Variants in SLC12A5 observed in about 807,000 individuals in gnomAD.
SLC12A5 encodes the protein K-Cl cotransporter 2.
In SLC12A5, 18 loss-of-function variants were observed where a neutral mutation model predicts 124.0. The observed-to-expected ratio is 0.15, with a 90% confidence interval of 0.10 to 0.22. The LOEUF is 0.22. SLC12A5 is among the 10% of genes least tolerant of loss of function. The pLI is 1.00. For missense variants in SLC12A5, 867 were observed against 1,478.7 expected (o/e 0.59, Z 6.78); for synonymous variants, 589 against 568.0 (o/e 1.04, Z -0.53).
intron 15 of SLC12A5, 77 bp downstream of exon 15, chr20:46,047,650 G>A (rs1056658410): frequency 2.8e-5 from 44 of 1,549,670 alleles, no homozygotes; most frequent in Non-Finnish European, 3.9e-5. Context: ...GGGGTCATGA[G>A]GGATTGGGGT....
intron 7 of SLC12A5, chr20:46,041,098 C>T: frequency 4.2e-6 from 2 of 474,660 alleles, no homozygotes; most frequent in Admixed American, 7.1e-5. Context: ...TGCTGAAACA[C>T]AGCATTGCAC....
At chr20:46,043,528 G>T in intron 9 of SLC12A5, 105 bp from the exon 10 acceptor site, 2 of 1,282,456 alleles carry the variant, frequency 1.6e-6, no homozygotes, top group South Asian at 2.6e-5. Flanking sequence ...AGTATGTTAG[G>T]ACTAGATCCC....
rs566341148 is a variant in SLC12A5, at chr20:46,043,805, C to T, written c.1337-71C>T. ...GAGGGCAGCTGAACTTGCTGCCTTA[C>T]CTGCTGGTGCAGGAAGGGTGGGGAG... On this transcript the variant is annotated intron_variant, in intron 10 of 25. Coordinates refer to ENST00000243964, the MANE Select transcript of SLC12A5 (RefSeq NM_020708.5). 5 of 1,612,732 alleles carry T rather than the reference C, an allele frequency of 3.1e-6. 1 individual carries two copies. In the South Asian group the frequency reaches 5.5e-5, roughly 18 times the overall value.
intron 6 of SLC12A5, among the ~76,000 whole-genome samples, chr20:46,039,547 G>T (rs1028779158): frequency 2.0e-5 from 3 of 152,298 alleles, no homozygotes; most frequent in South Asian, 2.1e-4. Context: ...GGCCGAGGCA[G>T]TTGGATCACC....
In SLC12A5 at chr20:46,041,191, C is replaced by A. The variant is rs2084543834; in HGVS notation, c.855-138C>A. 8.8e-6 allele frequency: 6 copies of A among 684,776 alleles called. No homozygotes were observed. The South Asian group carries it at 9.7e-5, about 11-fold the overall frequency. The allele number at this position is 684,776 out of a possible 1,614,324, so 42.4% of individuals were successfully genotyped here. On this transcript the variant is annotated intron_variant, in intron 7 of 25. Coordinates refer to ENST00000243964, the MANE Select transcript of SLC12A5 (RefSeq NM_020708.5). ...AAAAAAAAAAAAGCCAATGGCCAGG[C>A]TTCATTTAAATTAAACGAGGAACTC...
At chr20:46,043,560 G>T in intron 9 of SLC12A5, 73 bp from the exon 10 acceptor site, 5 of 1,476,510 alleles carry the variant, frequency 3.4e-6, no homozygotes, top group Middle Eastern at 1.9e-4. Context: ...CCCTGAGGGT[G>T]GTGCCCTTTT....
Position 46,057,481 on chromosome 20 carries a change from G to A in SLC12A5, c.3260-33G>A, listed in dbSNP as rs373163764. Reference sequence around the variant, plus strand: ...GACCCCAATTTCGTCGGGAGGGAAGGAGACCGGGTCTTTCTCCTTGACCGG... The same window carrying A: ...GACCCCAATTTCGTCGGGAGGGAAGAAGACCGGGTCTTTCTCCTTGACCGG... On this transcript the variant is annotated intron_variant, in intron 25 of 25. Transcript: ENST00000243964. This position sits in a 1 kb window ranked among gnomAD's most constrained non-coding sequence, Gnocchi z 7.1. 2 of 1,612,348 alleles carry A rather than the reference G, an allele frequency of 1.2e-6. No individual in the cohort carries two copies. Among genetic ancestry groups the A allele is most frequent in the Admixed American group, 1.7e-5 (1 of 60,000 alleles).
rs1039241043 is a variant in SLC12A5, at chr20:46,057,089, G to C, written c.3126-81G>C. 2 of 1,602,650 alleles carry C rather than the reference G, an allele frequency of 1.2e-6. No individual in the cohort carries two copies. Among genetic ancestry groups the C allele is most frequent in the Non-Finnish European group, 1.7e-6 (2 of 1,171,634 alleles). On this transcript the variant is annotated intron_variant, in intron 24 of 25. Coordinates refer to ENST00000243964, the MANE Select transcript of SLC12A5 (RefSeq NM_020708.5). The surrounding 1 kb of genome is among the most constrained non-coding windows in gnomAD (Gnocchi z 7.1). Reference sequence around the variant, plus strand: ...GCAAGAACCAGTCCCCAGCAGCCCAGTTCGGGCTGGAAGGGCGACTGGCTC... The same window carrying C: ...GCAAGAACCAGTCCCCAGCAGCCCACTTCGGGCTGGAAGGGCGACTGGCTC...
At position 46,057,111 on chromosome 20, in the gene SLC12A5, G is replaced by A; in HGVS notation, c.3126-59G>A. 6.2e-7 allele frequency: 1 copy of A among 1,608,690 alleles called. No individual in the cohort carries two copies. Among genetic ancestry groups the A allele is most frequent in the Non-Finnish European group, 8.5e-7 (1 of 1,176,448 alleles). ...CCAGTTCGGGCTGGAAGGGCGACTG[G>A]CTCCAATCTTCTCTACCCCCCCGGC... On this transcript the variant is annotated intron_variant, in intron 24 of 25. Coordinates refer to ENST00000243964, the MANE Select transcript of SLC12A5 (RefSeq NM_020708.5). This position sits in a 1 kb window ranked among gnomAD's most constrained non-coding sequence, Gnocchi z 7.1.
intron 14 of SLC12A5, among the ~76,000 whole-genome samples, 195 bp from the exon 15 acceptor site, chr20:46,047,259 G>A (rs939909163): frequency 3.9e-5 from 6 of 152,216 alleles, no homozygotes; most frequent in African/African-American, 1.4e-4. Context: ...TGCCCTGTCT[G>A]TGGCTTCTCT....
Position 46,056,262 on chromosome 20 carries a change from C to T in SLC12A5, c.2900C>T (p.Pro967Leu). Residue 967 changes from proline to leucine, a missense_variant, in exon 22 of 26, where the codon CCA becomes CTA. Pro to Leu is a moderately conservative substitution (Grantham distance 98). Around this residue, in one of 9 missense-constraint regions of SLC12A5, gnomAD observed 180 missense variants for 243.6 expected, o/e 0.74. Coordinates refer to ENST00000243964, the MANE Select transcript of SLC12A5 (RefSeq NM_020708.5). The surrounding 1 kb of genome is among the most constrained non-coding windows in gnomAD (Gnocchi z 4.3). The stretch of plus-strand genomic sequence containing the variant: ...ACGGCTGGTGACAGTGAAGAGAAGC[C>T]AGAGGAGGAGGTGTGCAGCTTGGGT... Reference protein sequence around the residue: ...EETAGDSEEKPEEEVQLIHDQ... With the variant: ...EETAGDSEEKLEEEVQLIHDQ... The T allele has an allele frequency of 6.2e-7, 1 of 1,614,138 alleles. No homozygotes were observed. The highest frequency in any genetic ancestry group is 8.5e-7 in the Non-Finnish European group (1 of 1,180,000).
chr20:46,021,855 C>T (rs1045105258), exon 1 of SLC12A5: 1 of 1,531,530 alleles, frequency 6.5e-7, no homozygotes, highest in Non-Finnish European at 8.7e-7. Flanking sequence ...CGGTCGCAGA[C>T]CCCCGCCACC....
chr20:46,024,401 A>T (rs186699545), upstream of SLC12A5, among the ~76,000 whole-genome samples: 2 of 152,104 alleles, frequency 1.3e-5, no homozygotes, highest in East Asian at 1.9e-4. Context: ...AGTCTCAAGC[A>T]CCTCCTCTCT....
In SLC12A5 at chr20:46,057,342, A is replaced by G; in HGVS notation, c.3259+39A>G. 1 of 1,613,228 alleles carries G rather than the reference A, an allele frequency of 6.2e-7. No individual in the cohort carries two copies. The highest frequency in any genetic ancestry group is 1.1e-5 in the South Asian group (1 of 91,070). ...AAAATTGGGGGAAAGAGGGAGGTGGACGTCAGGGAATCTGGGTCCTGTCCC... is the reference window on the plus strand; with the variant it reads ...AAAATTGGGGGAAAGAGGGAGGTGGGCGTCAGGGAATCTGGGTCCTGTCCC... On this transcript the variant is annotated intron_variant, in intron 25 of 25. Transcript: ENST00000243964. The surrounding 1 kb of genome is among the most constrained non-coding windows in gnomAD (Gnocchi z 7.1).
chr20:46,055,053 C>T, intron 21 of SLC12A5, 30 bp downstream of exon 21: 1 of 1,545,978 alleles, frequency 6.5e-7, no homozygotes, highest in Non-Finnish European at 8.9e-7. Context: ...CCCCTGAGAG[C>T]CTCAAACTGC....
chr20:46,029,838 G>C (rs1418437925), intron 1 of SLC12A5, among the ~76,000 whole-genome samples: 1 of 150,926 alleles, frequency 6.6e-6, no homozygotes, highest in East Asian at 2.0e-4. Context: ...CTTCCATCTG[G>C]AAGATGGGGG....
Position 46,059,608 on chromosome 20 carries a change from T to C in SLC12A5, c.*2003T>C, listed in dbSNP as rs750492801. On this transcript the variant is annotated 3_prime_UTR_variant, in exon 26 of 26. Coordinates refer to ENST00000243964, the MANE Select transcript of SLC12A5 (RefSeq NM_020708.5). ...CACTATCTGGGCCCAGATTGTCTGG[T>C]TGGCAAGAGCAAAGTTTCCGTTGAT... The C allele has an allele frequency of 5.0e-6, 2 of 398,954 alleles. No individual in the cohort carries two copies. The highest frequency in any genetic ancestry group is 8.8e-6 in the Non-Finnish European group (2 of 226,072). 24.7% of individuals were successfully genotyped at this position (398,954 alleles called of 1,614,324 possible). A position where few individuals can be genotyped will look rare whatever the true frequency, so the allele number is the denominator to read the frequency against.
At chr20:46,051,607 G>C (rs2145501854) in intron 17 of SLC12A5, 68 bp from the exon 18 acceptor site, 1 of 1,456,178 alleles carries the variant, frequency 6.9e-7, no homozygotes, top group Middle Eastern at 1.8e-4. Context: ...GAGGGAAGGA[G>C]GCTACAATGG....
At chr20:46,037,065 G>A (rs1299579031) in intron 5 of SLC12A5, among the ~76,000 whole-genome samples, 190 bp from the exon 6 acceptor site, 1 of 151,966 alleles carries the variant, frequency 6.6e-6, no homozygotes, top group African/African-American at 2.4e-5. Flanking sequence ...TAGCAACATG[G>A]TAATTAGTGC....
Sources: allele counts gnomAD v4.1 joint callset (sites outside exome capture counted in the v4.1 genomes callset), GRCh38; gene constraint gnomAD v4.1.1; regional missense constraint gnomAD v4.1.1; non-coding constraint Gnocchi (gnomAD v3.1); transcripts MANE v1.5; gene names NCBI Gene and HGNC (gene_info 2026-07-23, HGNC 2026-07-21).